Variants in R3HDM2 observed in about 807,000 individuals in gnomAD.
R3HDM2 encodes R3H domain-containing protein 2.
In R3HDM2, 38 loss-of-function variants were observed where a neutral mutation model predicts 124.5. The ratio of observed to expected loss-of-function variants is 0.31; its 90% CI spans 0.24 to 0.40. R3HDM2 has a LOEUF of 0.40. Among genes scored for constraint, R3HDM2 ranks in the 10% least tolerant of loss-of-function variants. R3HDM2 has a pLI of 1.00. For synonymous variants in R3HDM2, 391 were observed against 448.0 expected (o/e 0.87, Z 1.61); for missense variants, 869 against 1,236.9 (o/e 0.70, Z 4.46).
chr12:57,328,132 C>T (rs2057579756), intron 2 of R3HDM2, among the ~76,000 whole-genome samples: 1 of 150,586 alleles, frequency 6.6e-6, no homozygotes, highest in Admixed American at 6.6e-5. Flanking sequence ...AGTGCAGTGG[C>T]GCGATCACAG....
intron 2 of R3HDM2, among the ~76,000 whole-genome samples, chr12:57,348,157 C>A (rs997506423): frequency 6.6e-6 from 1 of 152,196 alleles, no homozygotes; most frequent in Non-Finnish European, 1.5e-5. Flanking sequence ...GGCACAGTGG[C>A]TCATGCCTAT....
intron 1 of R3HDM2, among the ~76,000 whole-genome samples, chr12:57,427,131 A>C (rs540426609): frequency 6.6e-6 from 1 of 151,992 alleles, no homozygotes; most frequent in African/African-American, 2.4e-5. Context: ...TCTCTACTAA[A>C]AATACAAAAA....
chr12:57,272,672 G>A, intron 14 of R3HDM2: 2 of 577,432 alleles, frequency 3.5e-6, no homozygotes, highest in South Asian at 2.0e-5. Context: ...GGAACAATAA[G>A]GTTAATAATC....
At chr12:57,287,580 C>T (rs561861995) in intron 12 of R3HDM2, among the ~76,000 whole-genome samples, 4 of 152,190 alleles carry the variant, frequency 2.6e-5, no homozygotes, top group South Asian at 4.1e-4. Context: ...TTAGAAAGGA[C>T]AACAGGGAAA....
intron 2 of R3HDM2, among the ~76,000 whole-genome samples, chr12:57,346,971 A>G (rs2060148443): frequency 6.6e-6 from 1 of 152,188 alleles, no homozygotes; most frequent in African/African-American, 2.4e-5. Context: ...GTAGCTGGGC[A>G]TCGTGGCTCA....
intron 1 of R3HDM2, among the ~76,000 whole-genome samples, chr12:57,427,891 G>C (rs1471469487): frequency 6.6e-6 from 1 of 151,748 alleles, no homozygotes; most frequent in Non-Finnish European, 1.5e-5. Context: ...GGAGGTGGGT[G>C]GATCACTTAG....
chr12:57,370,618 C>A (rs1235532561), intron 2 of R3HDM2, among the ~76,000 whole-genome samples: 2 of 152,008 alleles, frequency 1.3e-5, no homozygotes, highest in Non-Finnish European at 2.9e-5. Flanking sequence ...CCAGCCTGGG[C>A]AACAAGAGCG....
intron 2 of R3HDM2, among the ~76,000 whole-genome samples, chr12:57,334,232 T>C (rs1040986064): frequency 1.2e-4 from 18 of 152,224 alleles, no homozygotes; most frequent in African/African-American, 1.7e-4. Context: ...TATGCAATTA[T>C]CAAATTTATA....
chr12:57,418,402 C>G (rs2069858633), intron 1 of R3HDM2: 1 of 925,580 alleles, frequency 1.1e-6, no homozygotes, highest in Non-Finnish European at 1.3e-6. Flanking sequence ...GGTGGTTGCG[C>G]AGGCTGCCGT....
intron 12 of R3HDM2, among the ~76,000 whole-genome samples, chr12:57,285,729 T>C (rs909188769): frequency 1.3e-5 from 2 of 152,052 alleles, no homozygotes; most frequent in Non-Finnish European, 2.9e-5. Context: ...GCAGTGGCAA[T>C]AGATGAGGCT....
intron 2 of R3HDM2, among the ~76,000 whole-genome samples, chr12:57,330,129 G>C (rs2057930086): frequency 6.6e-6 from 1 of 151,962 alleles, no homozygotes; most frequent in Non-Finnish European, 1.5e-5. Flanking sequence ...GACATGCCTG[G>C]CTAGTTTTGT....
At chr12:57,401,306 C>T (rs1173760099) in intron 1 of R3HDM2, among the ~76,000 whole-genome samples, 1 of 151,946 alleles carries the variant, frequency 6.6e-6, no homozygotes, top group African/African-American at 2.4e-5. Flanking sequence ...CTCAAGAGGC[C>T]GTTCAGTTTC....
At chr12:57,313,575 A>T (rs28473132) in intron 2 of R3HDM2, among the ~76,000 whole-genome samples, 38,304 of 150,670 alleles carry the variant, frequency 0.25, 5,154 homozygotes, top group South Asian at 0.43. Flanking sequence ...AAAAAAAAAA[A>T]AATAATAATA....
Position 57,329,968 on chromosome 12 carries a change from TTTG to T in R3HDM2, c.-35-19508_-35-19506del, listed in dbSNP as rs879387997. Among the ~76,000 whole-genome samples the T allele has an allele frequency of 2.4e-4, 36 of 152,274 alleles. No individual in the cohort carries two copies. In the South Asian group the frequency reaches 4.6e-3, roughly 19 times the overall value. On this transcript the variant is annotated intron_variant, in intron 2 of 23. Transcript: ENST00000402412. ...GTTTTCATAATTTCCTTCTCAGATTTTTGTTGTTGTTGTTGTTTTTATGAGATG... is the reference window on the plus strand; with the variant it reads ...GTTTTCATAATTTCCTTCTCAGATTTTTGTTGTTGTTGTTTTTATGAGATG...
chr12:57,272,266 A>T (rs1208997065), intron 14 of R3HDM2, among the ~76,000 whole-genome samples: 1 of 151,982 alleles, frequency 6.6e-6, no homozygotes, highest in African/African-American at 2.4e-5. Context: ...GCATCTTTTG[A>T]TGTGCTGTGA....
At chr12:57,372,955 C>G (rs1770632764) in intron 2 of R3HDM2, among the ~76,000 whole-genome samples, 1 of 152,212 alleles carries the variant, frequency 6.6e-6, no homozygotes, top group South Asian at 2.1e-4. Flanking sequence ...CCTGTAATCC[C>G]AGCCCTTTGG....
chr12:57,411,851 G>T (rs192429088), intron 1 of R3HDM2, among the ~76,000 whole-genome samples: 14 of 152,312 alleles, frequency 9.2e-5, no homozygotes, highest in Non-Finnish European at 8.8e-5. Context: ...TAATACCTGG[G>T]TGTTGACGGA....
At chr12:57,367,320 A>C (rs4760228) in intron 2 of R3HDM2, among the ~76,000 whole-genome samples, 66,158 of 152,022 alleles carry the variant, frequency 0.44, 15,146 homozygotes, top group South Asian at 0.52. Context: ...TGTGATGATG[A>C]AACTGGGGCT....
rs769689213 is a variant in R3HDM2 at position 57,269,381 on chromosome 12, G to A, written c.1656C>T (p.His552=). ...NSNQQYRPLS[H]PVAYSPQRGQ... ...CACGTTGGGGGCTATAGGCCACCGG[G>A]TGAGAGAGAGGTCGATATTGCTGGT... is the stretch of plus-strand genomic sequence containing the variant. The change falls in exon 16 of 24, where the codon CAC becomes CAT. Residue 552 remains histidine (H), a synonymous_variant. Coordinates refer to ENST00000402412, the MANE Select transcript of R3HDM2 (RefSeq NM_001394031.1). 1 of 1,614,062 alleles carries A rather than the reference G, an allele frequency of 6.2e-7. No homozygotes were observed. The highest frequency in any genetic ancestry group is 8.5e-7 in the Non-Finnish European group (1 of 1,180,048).
Sources: gnomAD v4.1 joint callset for allele counts (sites outside exome capture counted in the v4.1 genomes callset) on GRCh38, gnomAD v4.1.1 for gene constraint, MANE v1.5 for transcripts, NCBI Gene and HGNC (gene_info 2026-07-23, HGNC 2026-07-21) for gene names.